Variants in FRAS1 observed in about 807,000 individuals in gnomAD.
FRAS1 encodes Fraser extracellular matrix complex subunit 1, also known as extracellular matrix organizing protein FRAS1.
In FRAS1, 290 loss-of-function variants were observed where a neutral mutation model predicts 435.2. The observed-to-expected ratio is 0.67, with a 90% CI of 0.61 to 0.73. The LOEUF is 0.73. FRAS1 is among the 30% of genes least tolerant of loss of function. The probability of loss-of-function intolerance (pLI) is 0.00; values close to 1 mark genes in which losing one functional copy is unlikely to be tolerated. For synonymous variants in FRAS1, 1,800 were observed against 1,851.0 expected (o/e 0.97, Z 0.71); for missense variants, 4,860 against 5,001.5 (o/e 0.97, Z 0.85).
intron 47 of FRAS1, among the ~76,000 whole-genome samples, chr4:78,463,484 G>A (rs529733825): frequency 6.6e-6 from 1 of 152,296 alleles, no homozygotes; most frequent in East Asian, 1.9e-4. Context: ...TAGAATCGTA[G>A]ACCTGAGAGT....
chr4:78,286,322 C>A, intron 13 of FRAS1, 83 bp from the exon 14 acceptor site: 1 of 1,505,524 alleles, frequency 6.6e-7, no homozygotes, highest in Non-Finnish European at 9.2e-7. Flanking sequence ...CAAGATTGGG[C>A]TGTGTAAGCA....
chr4:78,099,387 C>T (rs1305913191), intron 2 of FRAS1, among the ~76,000 whole-genome samples: 2 of 152,218 alleles, frequency 1.3e-5, no homozygotes, highest in Non-Finnish European at 2.9e-5. Flanking sequence ...AGCAGGCTCT[C>T]TGCATGCCTC....
At chr4:78,065,899 T>C in intron 1 of FRAS1, 86 bp from the exon 2 acceptor site, 3 of 956,132 alleles carry the variant, frequency 3.1e-6, no homozygotes. Context: ...TGCATATAGA[T>C]GCAGTTTTAG....
Position 78,522,796 on chromosome 4 carries a change from G to T in FRAS1, c.10796G>T (p.Ser3599Ile). The stretch of plus-strand genomic sequence containing the variant: ...CCACATCAACTCTGGAGAGCCACAA[G>T]CTCTTATAACAGGTAAATACAGTGA... ...DSPHQLWRAT[S>I]SYNRKDYSGE... The change falls in exon 69 of 74, where the codon AGC becomes ATC. Residue 3599 changes from serine (S) to isoleucine (I), a missense_variant. Ser to Ile is a moderately radical substitution (Grantham distance 142). Transcript: ENST00000512123. The T allele has an allele frequency of 6.2e-7, 1 of 1,610,266 alleles. No individual in the cohort carries two copies. The highest frequency in any genetic ancestry group is 1.1e-5 in the South Asian group (1 of 90,152).
intron 2 of FRAS1, among the ~76,000 whole-genome samples, chr4:78,094,281 G>A (rs1206210193): frequency 1.3e-5 from 2 of 151,934 alleles, no homozygotes; most frequent in Admixed American, 6.6e-5. Context: ...TCAAAAAAAT[G>A]AAAATGTTGG....
intron 47 of FRAS1, among the ~76,000 whole-genome samples, chr4:78,457,539 G>T (rs552782015): frequency 6.6e-6 from 1 of 152,124 alleles, no homozygotes; most frequent in Non-Finnish European, 1.5e-5. Flanking sequence ...CCATTCTCAG[G>T]ATCCTATCTT....
chr4:78,119,436 T>A (rs1425662701), intron 2 of FRAS1, among the ~76,000 whole-genome samples: 1 of 152,192 alleles, frequency 6.6e-6, no homozygotes. Context: ...ATATGAGGTG[T>A]TTCACTTTCT....
intron 2 of FRAS1, among the ~76,000 whole-genome samples, chr4:78,134,670 A>C (rs1420076483): frequency 6.6e-6 from 1 of 152,186 alleles, no homozygotes; most frequent in African/African-American, 2.4e-5. Flanking sequence ...GCTTCCAGTA[A>C]CCTGGATCTG....
intron 68 of FRAS1, among the ~76,000 whole-genome samples, chr4:78,521,882 G>A (rs1408683855): frequency 1.3e-5 from 2 of 152,092 alleles, no homozygotes; most frequent in African/African-American, 4.8e-5. Context: ...TTCTCTTATA[G>A]AATCACAACA....
At chr4:78,150,549 G>A (rs933437346) in intron 2 of FRAS1, among the ~76,000 whole-genome samples, 5 of 152,102 alleles carry the variant, frequency 3.3e-5, no homozygotes, top group Admixed American at 6.6e-5. Flanking sequence ...ATTTCAAAGC[G>A]GAAATACATT....
intron 2 of FRAS1, among the ~76,000 whole-genome samples, chr4:78,116,063 A>C (rs1743147672): frequency 6.6e-6 from 1 of 152,118 alleles, no homozygotes; most frequent in African/African-American, 2.4e-5. Context: ...GAACATCTTT[A>C]TTTCTGCCTT....
chr4:78,508,301 G>A (rs567042416), intron 62 of FRAS1, among the ~76,000 whole-genome samples: 2 of 152,288 alleles, frequency 1.3e-5, no homozygotes, highest in East Asian at 1.9e-4. Flanking sequence ...ATTTCAAAAT[G>A]TGTCTCTTAT....
rs756681865 is a variant in FRAS1, at chr4:78,448,341, G to A, written c.6274+25G>A. ...GGTACCACAGAAATAAAGGAGAGTG[G>A]CCATGGTTTTTCTATCCTTATTTCT... On this transcript the variant is annotated intron_variant, in intron 44 of 73. Coordinates refer to ENST00000512123, the MANE Select transcript of FRAS1 (RefSeq NM_025074.7). The A allele has an allele frequency of 2.6e-6, 4 of 1,562,740 alleles. No individual in the cohort carries two copies. In the South Asian group the frequency reaches 3.6e-5, roughly 14 times the overall value.
Position 78,111,881 on chromosome 4 carries a change from A to C in FRAS1, c.108+45865A>C, listed in dbSNP as rs561864109. ...AGGAGAATAAAACACATAGGAGAAT[A>C]ATATGAGAAAAGCAGGCTTACTGCA... On this transcript the variant is annotated intron_variant, in intron 2 of 73. Coordinates refer to ENST00000512123, the MANE Select transcript of FRAS1 (RefSeq NM_025074.7). Among the ~76,000 whole-genome samples the C allele has an allele frequency of 5.9e-5, 9 of 152,270 alleles. No homozygotes were observed. The South Asian group carries it at 1.7e-3, about 28-fold the overall frequency.
chr4:78,341,361 A>G (rs1221568359), intron 20 of FRAS1, among the ~76,000 whole-genome samples: 1 of 152,100 alleles, frequency 6.6e-6, no homozygotes, highest in East Asian at 1.9e-4. Context: ...GGATGCCTTG[A>G]AGATTCTGGG....
At chr4:78,093,953 T>C (rs1741656340) in intron 2 of FRAS1, among the ~76,000 whole-genome samples, 1 of 152,114 alleles carries the variant, frequency 6.6e-6, no homozygotes, top group African/African-American at 2.4e-5. Context: ...AACTCATCAG[T>C]TTATGAAGCT....
chr4:78,408,878 C>T (rs904328179), intron 31 of FRAS1, among the ~76,000 whole-genome samples: 9 of 152,136 alleles, frequency 5.9e-5, no homozygotes, highest in Admixed American at 3.3e-4. Flanking sequence ...AATCTCAACA[C>T]CTCGGGAGGC....
intron 2 of FRAS1, among the ~76,000 whole-genome samples, chr4:78,118,781 C>T (rs1718826286): frequency 6.6e-6 from 1 of 152,114 alleles, no homozygotes; most frequent in Non-Finnish European, 1.5e-5. Flanking sequence ...TGAGGCAATG[C>T]CTCACCCTCC....
At chr4:78,122,900 C>T (rs909433582) in intron 2 of FRAS1, among the ~76,000 whole-genome samples, 1 of 152,144 alleles carries the variant, frequency 6.6e-6, no homozygotes, top group African/African-American at 2.4e-5. Context: ...GGATAGATTG[C>T]AAAAATTTTC....
Sources: gnomAD v4.1 joint callset for allele counts (sites outside exome capture counted in the v4.1 genomes callset) on GRCh38, gnomAD v4.1.1 for gene constraint, MANE v1.5 for transcripts, NCBI Gene and HGNC (gene_info 2026-07-23, HGNC 2026-07-21) for gene names.